The following INPP4B variants were observed in gnomAD, a reference collection of about 807,000 sequenced individuals.
The protein encoded by INPP4B is inositol polyphosphate-4-phosphatase type II B.
INPP4B carries 55 observed loss-of-function variants against 122.5 expected under a neutral mutation model. That is an observed-to-expected ratio of 0.45 (90% CI 0.36 to 0.56). The LOEUF (loss-of-function observed/expected upper bound fraction) is 0.56. Among genes scored for constraint, INPP4B ranks in the 20% least tolerant of loss-of-function variants. The pLI, the probability that INPP4B is intolerant of heterozygous loss-of-function variation, is 0.00. For missense variants in INPP4B, 1,000 were observed against 1,097.7 expected, an observed-to-expected ratio of 0.91 and a Z score of 1.26; for synonymous variants, 403 against 388.7, an observed-to-expected ratio of 1.04 and a Z score of -0.43.
intron 2 of INPP4B, among the ~76,000 whole-genome samples, chr4:142,631,880 A>G (rs1443190): frequency 0.77 from 117,692 of 151,996 alleles, 46,291 homozygotes; most frequent in East Asian, 0.85. Context: ...CATTTTGTCA[A>G]TATTGGGTGA....
chr4:142,238,435 A>G (rs1460563023), intron 11 of INPP4B, among the ~76,000 whole-genome samples: 1 of 152,092 alleles, frequency 6.6e-6, no homozygotes. Flanking sequence ...TTGAACAAAT[A>G]TATTTCTGAA....
Position 142,089,929 on chromosome 4 carries a change from G to A in INPP4B, c.2375-3673C>T, listed in dbSNP as rs1384391425. Among the ~76,000 whole-genome samples, 3 of 152,128 alleles carry A rather than the reference G, an allele frequency of 2.0e-5. No individual in the cohort carries two copies. In the East Asian group the frequency reaches 5.8e-4, roughly 29 times the overall value. On this transcript the variant is annotated intron_variant, in intron 23 of 25. Coordinates refer to ENST00000262992, the MANE Select transcript of INPP4B (RefSeq NM_001101669.3). ...GTTCATAGTCAGAGGAGGAGTCAAG[G>A]CTAAAACTTTGTCTCTTAACTGCTG...
chr4:142,470,588 C>A (rs926448289), intron 2 of INPP4B, among the ~76,000 whole-genome samples: 3 of 152,136 alleles, frequency 2.0e-5, no homozygotes, highest in African/African-American at 7.2e-5. Context: ...TATTTTAATA[C>A]CCACTATACA....
At chr4:142,082,487 G>T (rs1026507744) in intron 24 of INPP4B, among the ~76,000 whole-genome samples, 2 of 152,166 alleles carry the variant, frequency 1.3e-5, no homozygotes, top group African/African-American at 4.8e-5. Context: ...TGCCTGGTCT[G>T]CAGTGTAGGA....
At chr4:142,638,519 G>C (rs1749654797) in intron 2 of INPP4B, among the ~76,000 whole-genome samples, 2 of 147,910 alleles carry the variant, frequency 1.4e-5, no homozygotes, top group South Asian at 4.3e-4. Flanking sequence ...TCTTTATACT[G>C]TTCCATTGAT....
chr4:142,769,389 T>G (rs1315127039), intron 1 of INPP4B, among the ~76,000 whole-genome samples: 1 of 152,152 alleles, frequency 6.6e-6, no homozygotes, highest in Non-Finnish European at 1.5e-5. Flanking sequence ...GATCCCCAAG[T>G]GAAACCAGAC....
At chr4:142,592,401 G>T (rs939307865) in intron 2 of INPP4B, among the ~76,000 whole-genome samples, 4 of 151,914 alleles carry the variant, frequency 2.6e-5, no homozygotes, top group African/African-American at 9.7e-5. Flanking sequence ...TGTTTTTTAA[G>T]GTAAATGAAA....
chr4:142,347,983 G>A (rs2151772239), intron 7 of INPP4B, among the ~76,000 whole-genome samples: 1 of 152,170 alleles, frequency 6.6e-6, no homozygotes, highest in East Asian at 1.9e-4. Flanking sequence ...ATGTAAATGT[G>A]ATCATCCATA....
chr4:142,826,776 G>T (rs1781514967), intron 1 of INPP4B, among the ~76,000 whole-genome samples: 1 of 151,976 alleles, frequency 6.6e-6, no homozygotes, highest in South Asian at 2.1e-4. Context: ...CAACTCTTCA[G>T]CTTCTAACAT....
chr4:142,138,581 T>C (rs1805987364), intron 18 of INPP4B, among the ~76,000 whole-genome samples: 1 of 152,134 alleles, frequency 6.6e-6, no homozygotes, highest in Admixed American at 6.6e-5. Context: ...TTCCAACAGA[T>C]ATTCTGAGGA....
At chr4:142,499,958 G>A (rs1427262785) in intron 2 of INPP4B, among the ~76,000 whole-genome samples, 1 of 152,086 alleles carries the variant, frequency 6.6e-6, no homozygotes, top group Non-Finnish European at 1.5e-5. Context: ...ATGACAGCCT[G>A]AGGCCAAATC....
At chr4:142,179,781 G>A (rs1440923506) in intron 15 of INPP4B, among the ~76,000 whole-genome samples, 2 of 152,050 alleles carry the variant, frequency 1.3e-5, no homozygotes, top group East Asian at 3.9e-4. Context: ...CTTTAAATAA[G>A]CAAAGTCCAG....
chr4:142,153,411 T>C (rs559766716), intron 17 of INPP4B, among the ~76,000 whole-genome samples: 77 of 152,314 alleles, frequency 5.1e-4, no homozygotes, highest in Non-Finnish European at 9.3e-4. Context: ...TTATTCAAAA[T>C]AGAATATATT....
intron 7 of INPP4B, among the ~76,000 whole-genome samples, chr4:142,392,127 A>G (rs1329136840): frequency 6.6e-6 from 1 of 152,154 alleles, no homozygotes; most frequent in Non-Finnish European, 1.5e-5. Context: ...CAGGACTGTG[A>G]ACCTTGGTTT....
intron 7 of INPP4B, among the ~76,000 whole-genome samples, chr4:142,332,014 A>T (rs1774720425): frequency 6.6e-6 from 1 of 152,208 alleles, no homozygotes; most frequent in Non-Finnish European, 1.5e-5. Flanking sequence ...AACTTGGAAA[A>T]TCATCCATTA....
chr4:142,273,714 A>G (rs1747030059), intron 9 of INPP4B, among the ~76,000 whole-genome samples: 1 of 151,832 alleles, frequency 6.6e-6, no homozygotes, highest in Non-Finnish European at 1.5e-5. Context: ...AGCAAGGAAC[A>G]TGCTTAATCT....
chr4:142,489,699 G>A (rs1003845254), intron 2 of INPP4B, among the ~76,000 whole-genome samples: 1 of 152,032 alleles, frequency 6.6e-6, no homozygotes, highest in Non-Finnish European at 1.5e-5. Context: ...TGGCGTAGAT[G>A]GTGTTTAGGC....
At chr4:142,117,827 CA>C (rs1414409100) in intron 21 of INPP4B, among the ~76,000 whole-genome samples, 4 of 152,036 alleles carry the variant, frequency 2.6e-5, no homozygotes, top group Non-Finnish European at 5.9e-5. Flanking sequence ...AAAGGGTATT[CA>C]ATTAGGAAAA....
chr4:142,684,070 T>C (rs1378435886), intron 2 of INPP4B, among the ~76,000 whole-genome samples: 1 of 151,948 alleles, frequency 6.6e-6, no homozygotes, highest in Non-Finnish European at 1.5e-5. Flanking sequence ...AGAAATAAGT[T>C]TGGAAAGGTA....
Sources: gnomAD v4.1 joint callset for allele counts (sites outside exome capture counted in the v4.1 genomes callset) on GRCh38, gnomAD v4.1.1 for gene constraint, MANE v1.5 for transcripts, NCBI Gene and HGNC (gene_info 2026-07-23, HGNC 2026-07-21) for gene names.